The following MAP4K4 variants were observed in gnomAD, a reference collection of about 807,000 sequenced individuals.
MAP4K4 encodes the protein mitogen-activated protein kinase kinase kinase kinase 4.
A neutral mutation model predicts 189.6 loss-of-function variants in MAP4K4; 38 were observed. The observed-to-expected ratio is 0.20, with a 90% CI of 0.15 to 0.26. The LOEUF is 0.26. Ranked by LOEUF, MAP4K4 falls within the 10% of genes least tolerant of loss-of-function variation. MAP4K4 has a pLI of 1.00. For synonymous variants in MAP4K4, 610 were observed against 624.3 expected (o/e 0.98, Z 0.34); for missense variants, 1,054 against 1,726.9 (o/e 0.61, Z 6.91).
intron 27 of MAP4K4, among the ~76,000 whole-genome samples, chr2:101,880,408 A>G (rs2098349874): frequency 6.6e-6 from 1 of 151,670 alleles, no homozygotes; most frequent in Non-Finnish European, 1.5e-5. Context: ...TCTTTTGCCT[A>G]TGGATATCTA....
chr2:101,731,527 G>C (rs1177149420), intron 2 of MAP4K4, among the ~76,000 whole-genome samples: 2 of 152,178 alleles, frequency 1.3e-5, no homozygotes, highest in Non-Finnish European at 2.9e-5. Context: ...GGGAGGCCAA[G>C]GTGGGCAGAT....
At chr2:101,801,452 A>C (rs957859187) in intron 3 of MAP4K4, among the ~76,000 whole-genome samples, 1 of 152,146 alleles carries the variant, frequency 6.6e-6, no homozygotes, top group Non-Finnish European at 1.5e-5. Context: ...GCACGTATGA[A>C]ATATTGTCTA....
chr2:101,868,121 G>C, intron 21 of MAP4K4, 84 bp downstream of exon 21: 5 of 1,445,556 alleles, frequency 3.5e-6, no homozygotes, highest in Non-Finnish European at 4.8e-6. Context: ...CTGCGGTCCT[G>C]CTCCTTCCTC....
chr2:101,769,646 C>G (rs578261804), intron 2 of MAP4K4, among the ~76,000 whole-genome samples: 1 of 151,138 alleles, frequency 6.6e-6, no homozygotes, highest in African/African-American at 2.4e-5. Flanking sequence ...TGCAGTGGTG[C>G]GATCTTGGCT....
intron 9 of MAP4K4, 73 bp from the exon 10 acceptor site, chr2:101,839,746 C>A (rs2149526230): frequency 8.7e-7 from 1 of 1,149,020 alleles, no homozygotes; most frequent in Non-Finnish European, 1.2e-6. Flanking sequence ...TATGTTGAGG[C>A]TTGTAAGTTA....
intron 21 of MAP4K4, among the ~76,000 whole-genome samples, 158 bp downstream of exon 21, chr2:101,868,195 A>G (rs769218601): frequency 1.2e-4 from 19 of 152,206 alleles, no homozygotes; most frequent in Non-Finnish European, 2.4e-4. Flanking sequence ...TTTTCTTAAC[A>G]TAACATTTGC....
chr2:101,776,856 C>T (rs1418871958), intron 2 of MAP4K4, among the ~76,000 whole-genome samples: 2 of 152,044 alleles, frequency 1.3e-5, no homozygotes, highest in Non-Finnish European at 2.9e-5. Flanking sequence ...AATCTCATAA[C>T]CCAAATAACC....
intron 2 of MAP4K4, among the ~76,000 whole-genome samples, chr2:101,716,274 T>C (rs1213996655): frequency 6.6e-6 from 1 of 152,076 alleles, no homozygotes; most frequent in South Asian, 2.1e-4. Context: ...AAACGCCGTC[T>C]CTACTAAAAA....
At chr2:101,736,962 A>G (rs76455901) in intron 2 of MAP4K4, among the ~76,000 whole-genome samples, 2 of 152,136 alleles carry the variant, frequency 1.3e-5, no homozygotes, top group Non-Finnish European at 2.9e-5. Flanking sequence ...ACTCATTTGT[A>G]CTATCACAGT....
intron 2 of MAP4K4, among the ~76,000 whole-genome samples, chr2:101,722,523 T>A (rs1179686749): frequency 2.0e-5 from 3 of 152,250 alleles, no homozygotes; most frequent in African/African-American, 7.2e-5. Flanking sequence ...TCTGCATTTT[T>A]ATTTTCTTTC....
At chr2:101,718,302 T>C (rs1272274330) in intron 2 of MAP4K4, among the ~76,000 whole-genome samples, 10 of 151,344 alleles carry the variant, frequency 6.6e-5, no homozygotes, top group Admixed American at 5.3e-4. Flanking sequence ...TGGTCCACCA[T>C]CTCCTTTATG....
intron 3 of MAP4K4, among the ~76,000 whole-genome samples, chr2:101,806,005 C>T (rs1295563154): frequency 6.6e-6 from 1 of 152,110 alleles, no homozygotes; most frequent in Non-Finnish European, 1.5e-5. Flanking sequence ...GATAGGGAGA[C>T]ACAGCCAAAT....
intron 4 of MAP4K4, 113 bp from the exon 5 acceptor site, chr2:101,825,206 T>C: frequency 1.6e-6 from 1 of 611,374 alleles, no homozygotes; most frequent in Non-Finnish European, 2.9e-6. Flanking sequence ...TTATGAATTA[T>C]TGAGGAGCAT....
chr2:101,714,817 C>T (rs1240048202), intron 2 of MAP4K4, among the ~76,000 whole-genome samples: 2 of 152,064 alleles, frequency 1.3e-5, no homozygotes, highest in East Asian at 3.9e-4. Context: ...GGCTGCAGTC[C>T]ACTTCGGGAA....
At chr2:101,785,013 TTCCTGTG>T (rs1262119763) in intron 2 of MAP4K4, among the ~76,000 whole-genome samples, 1 of 152,198 alleles carries the variant, frequency 6.6e-6, no homozygotes, top group Non-Finnish European at 1.5e-5. Context: ...GCCAACATGG[TTCCTGTG>T]TCCTGTTCTT....
chr2:101,831,729 G>T, exon 7 of MAP4K4: 1 of 1,598,140 alleles, frequency 6.3e-7, no homozygotes, highest in Non-Finnish European at 8.5e-7. Flanking sequence ...AGTTGACTTT[G>T]GTGTGAGTGC....
At chr2:101,845,693 A>G (rs2097085256) in intron 12 of MAP4K4, among the ~76,000 whole-genome samples, 1 of 152,242 alleles carries the variant, frequency 6.6e-6, no homozygotes, top group African/African-American at 2.4e-5. Context: ...GCAGTTCATC[A>G]TTGACCAAAA....
chr2:101,880,532 G>A (rs753378916), intron 27 of MAP4K4, among the ~76,000 whole-genome samples: 39 of 148,240 alleles, frequency 2.6e-4, no homozygotes, highest in Non-Finnish European at 4.7e-4. Flanking sequence ...TTTTTGACAC[G>A]GAGTCTCAAT....
At position 101,729,637 on chromosome 2, in the gene MAP4K4, C is replaced by T. The variant is rs572334859; in HGVS notation, c.123+31099C>T. On this transcript the variant is annotated intron_variant, in intron 2 of 32. Transcript: ENST00000324219. ...ATCCAGCTACATTGCCGACTGTTAC[C>T]TGCAGTGTGATCCTCTTTTTGTTTT... 9.2e-5 allele frequency among the ~76,000 whole-genome samples: 14 copies of T among 152,278 alleles called. No individual in the cohort carries two copies. The South Asian group carries it at 2.9e-3, about 32-fold the overall frequency.
Sources: allele counts gnomAD v4.1 joint callset (sites outside exome capture counted in the v4.1 genomes callset), GRCh38; gene constraint gnomAD v4.1.1; transcripts MANE v1.5; gene names NCBI Gene and HGNC (gene_info 2026-07-23, HGNC 2026-07-21).